ITSN1: variants seen among roughly 807,000 people sequenced by gnomAD.
ITSN1 encodes the protein intersectin 1.
A neutral mutation model predicts 239.8 loss-of-function variants in ITSN1; 58 were observed. The observed-to-expected ratio is 0.24, with a 90% CI of 0.20 to 0.30. The LOEUF (loss-of-function observed/expected upper bound fraction) is 0.30, where lower values mean the gene tolerates loss of function less well. Ranked by LOEUF, ITSN1 falls within the 10% of genes least tolerant of loss-of-function variation. The pLI, the probability that ITSN1 is intolerant of heterozygous loss-of-function variation, is 1.00. For missense variants in ITSN1, 1,558 were observed against 2,103.3 expected (o/e 0.74, Z 5.07); for synonymous variants, 780 against 770.8 (o/e 1.01, Z -0.20).
rs750672753 is a variant in ITSN1, at chr21:33,834,422, C to A, written c.3467C>A (p.Ala1156Glu). The change falls in exon 28 of 40, where the codon GCA becomes GAA. Residue 1156 changes from alanine (A) to glutamate (E), a missense_variant and splice_region_variant. This residue lies in a region of ITSN1 where 576 missense variants were observed against 893.3 expected (regional missense o/e 0.64). Coordinates refer to ENST00000381318, the MANE Select transcript of ITSN1 (RefSeq NM_003024.3). ...CCACCTAAGTCAACAGCATTAGCGGCAGGTAAGGAGTTTCGCATCTCTAAC... is the reference window on the plus strand; with the variant it reads ...CCACCTAAGTCAACAGCATTAGCGGAAGGTAAGGAGTTTCGCATCTCTAAC... ...TEPPKSTALAAVCQVIGMYDY... is the reference protein window; with the variant it reads ...TEPPKSTALAEVCQVIGMYDY... 6.2e-7 allele frequency: 1 copy of A among 1,605,594 alleles called. No individual in the cohort carries two copies. Among genetic ancestry groups the A allele is most frequent in the Non-Finnish European group, 8.5e-7 (1 of 1,173,760 alleles).
intron 26 of ITSN1, chr21:33,828,914 A>G: frequency 2.1e-6 from 1 of 469,952 alleles, no homozygotes; most frequent in South Asian, 1.6e-5. Context: ...AACTGTTCAC[A>G]TTTTTTTCCC....
intron 37 of ITSN1, 66 bp from the exon 38 acceptor site, chr21:33,885,373 C>G (rs1241375604): frequency 7.9e-6 from 11 of 1,400,846 alleles, no homozygotes; most frequent in Non-Finnish European, 1.1e-5. Context: ...CATTGTGAGG[C>G]TCACAGAGAT....
In ITSN1 at chr21:33,810,994, G is replaced by C. The variant is rs1426099480; in HGVS notation, c.2339G>C (p.Gly780Ala). The C allele has an allele frequency of 6.2e-7, 1 of 1,614,170 alleles. No individual in the cohort carries two copies. Among genetic ancestry groups the C allele is most frequent in the Admixed American group, 1.7e-5 (1 of 60,024 alleles). Residue 780 changes from glycine (G) to alanine (A), a missense_variant, in exon 21 of 40, where the codon GGA (glycine) becomes GCA (alanine). Gly to Ala is a moderately conservative substitution (Grantham distance 60). This residue lies in a region of ITSN1 where 982 missense variants were observed against 1,209.9 expected (regional missense o/e 0.81). Transcript: ENST00000381318. Reference sequence around the variant, plus strand: ...CCACAGGTGGATGAAAGCCAAACTGGAGAACCCGGCTGGCTTGGAGGAGAA... The same window carrying C: ...CCACAGGTGGATGAAAGCCAAACTGCAGAACCCGGCTGGCTTGGAGGAGAA... ...KGEWVDESQT[G>A]EPGWLGGELK...
chr21:33,711,659 TG>T (rs2092421696), intron 1 of ITSN1, among the ~76,000 whole-genome samples: 1 of 124,246 alleles, frequency 8.0e-6, no homozygotes, highest in Non-Finnish European at 1.6e-5. Flanking sequence ...GTGTTGTGTG[TG>T]TGTGTGTGTG....
chr21:33,697,590 T>C (rs1373931597), intron 1 of ITSN1, among the ~76,000 whole-genome samples: 1 of 152,158 alleles, frequency 6.6e-6, no homozygotes, highest in Non-Finnish European at 1.5e-5. Flanking sequence ...ACTTATACAA[T>C]CTCATTATTA....
At chr21:33,795,510 C>T (rs2148024819) in intron 17 of ITSN1, among the ~76,000 whole-genome samples, 1 of 152,240 alleles carries the variant, frequency 6.6e-6, no homozygotes, top group East Asian at 1.9e-4. Context: ...CTTTAGTGGG[C>T]TGAGTTCAGT....
rs190926754 is a variant in ITSN1, at chr21:33,651,236, G to A, written c.-33+8523G>A. On this transcript the variant is annotated intron_variant, in intron 1 of 39. Transcript: ENST00000381318. ...AAGGAGAGAGGCCCACTTGGGACTT[G>A]ACTCTGAATGTCTGGGAAGTAGGAA... Among the ~76,000 whole-genome samples the A allele has an allele frequency of 1.9e-4, 29 of 152,374 alleles. No individual in the cohort carries two copies. The East Asian group carries it at 5.6e-3, about 29-fold the overall frequency.
At chr21:33,743,703 C>T (rs902547746) in intron 5 of ITSN1, among the ~76,000 whole-genome samples, 6 of 152,128 alleles carry the variant, frequency 3.9e-5, no homozygotes, top group Non-Finnish European at 8.8e-5. Context: ...AAAAGTCCAA[C>T]ACTAAGATAT....
Position 33,837,640 on chromosome 21 carries a change from T to C in ITSN1, c.3661+1008T>C, listed in dbSNP as rs1177219807. 10 of 985,826 alleles carry C rather than the reference T, an allele frequency of 1.0e-5. No homozygotes were observed. In the African/African-American group the frequency reaches 1.7e-4, roughly 17 times the overall value. The allele number at this position is 985,826 out of a possible 1,614,324, so 61.1% of individuals were successfully genotyped here. ...TTGTTTGTGTGTATCAGCTGTACCT[T>C]GTTGAGCATGTAATACATCCTGTAC... is the stretch of plus-strand genomic sequence containing the variant. On this transcript the variant is annotated intron_variant, in intron 29 of 39. Coordinates refer to ENST00000381318, the MANE Select transcript of ITSN1 (RefSeq NM_003024.3).
At chr21:33,649,152 C>G (rs560809441) in intron 1 of ITSN1, among the ~76,000 whole-genome samples, 2 of 152,102 alleles carry the variant, frequency 1.3e-5, no homozygotes, top group Non-Finnish European at 2.9e-5. Flanking sequence ...CAGGTAGTTC[C>G]ATGTTGGCGA....
intron 1 of ITSN1, among the ~76,000 whole-genome samples, chr21:33,656,719 A>G (rs886760847): frequency 1.3e-5 from 2 of 151,330 alleles, no homozygotes; most frequent in African/African-American, 2.4e-5. Context: ...TTATTTGTTT[A>G]TTTATTTATT....
intron 12 of ITSN1, 103 bp downstream of exon 12, chr21:33,772,426 A>G (rs2069238902): frequency 3.0e-6 from 4 of 1,354,798 alleles, no homozygotes; most frequent in South Asian, 1.4e-5. Flanking sequence ...TTTACAATTC[A>G]GTAGTTTTAG....
intron 14 of ITSN1, among the ~76,000 whole-genome samples, chr21:33,776,756 A>G (rs1454545892): frequency 6.6e-6 from 1 of 150,594 alleles, no homozygotes; most frequent in Non-Finnish European, 1.5e-5. Flanking sequence ...CCCATTTTTT[A>G]TTGGGCTGTT....
intron 8 of ITSN1, among the ~76,000 whole-genome samples, chr21:33,759,709 C>A (rs1293062510): frequency 1.3e-5 from 2 of 152,162 alleles, no homozygotes; most frequent in Non-Finnish European, 1.5e-5. Context: ...TGTATGCACA[C>A]ACATCCAGCA....
Position 33,878,417 on chromosome 21 carries a change from T to C in ITSN1, c.4341+2896T>C, listed in dbSNP as rs534696961. Among the ~76,000 whole-genome samples, 3 of 152,324 alleles carry C rather than the reference T, an allele frequency of 2.0e-5. No homozygotes were observed. The South Asian group carries it at 6.2e-4, about 32-fold the overall frequency. On this transcript the variant is annotated intron_variant, in intron 34 of 39. Coordinates refer to ENST00000381318, the MANE Select transcript of ITSN1 (RefSeq NM_003024.3). ...ATTCATTCTTTTTGCCCATTTTTTC[T>C]CTCTGTTTCTGTATACACATGTGCT...
rs1015771210 is a variant in ITSN1, at chr21:33,889,749, G to A, written c.*1449G>A. On this transcript the variant is annotated 3_prime_UTR_variant, in exon 40 of 40. Coordinates refer to ENST00000381318, the MANE Select transcript of ITSN1 (RefSeq NM_003024.3). ...TGTAGGTCCTTAGACTTTAATTAGG[G>A]TTATCAAAGTGCTTTCTAAATGATA... The A allele has an allele frequency of 5.3e-5, 8 of 152,118 alleles. No homozygotes were observed. Among genetic ancestry groups the A allele is most frequent in the African/African-American group, 1.9e-4 (8 of 41,408 alleles). The allele number at this position is 152,118 out of a possible 1,614,324, so 9.4% of individuals were successfully genotyped here.
At chr21:33,699,306 T>A (rs1281969483) in intron 1 of ITSN1, among the ~76,000 whole-genome samples, 1 of 152,186 alleles carries the variant, frequency 6.6e-6, no homozygotes, top group African/African-American at 2.4e-5. Context: ...AACAAATTTT[T>A]AAAAATATTT....
chr21:33,802,565 T>C, intron 20 of ITSN1, 121 bp downstream of exon 20: 8 of 1,018,696 alleles, frequency 7.9e-6, no homozygotes, highest in Non-Finnish European at 1.2e-5. Flanking sequence ...AAAAATGTGT[T>C]TGAGTCTGTG....
intron 33 of ITSN1, among the ~76,000 whole-genome samples, chr21:33,874,051 A>AG (rs1983221523): frequency 7.0e-6 from 1 of 143,260 alleles, no homozygotes; most frequent in Admixed American, 7.2e-5. Context: ...GCTACTCGGG[A>AG]GGCTGAGGCA....
Sources: gnomAD v4.1 joint callset for allele counts (sites outside exome capture counted in the v4.1 genomes callset) on GRCh38, gnomAD v4.1.1 for gene constraint, gnomAD v4.1.1 regional missense constraint, MANE v1.5 for transcripts, NCBI Gene and HGNC (gene_info 2026-07-23, HGNC 2026-07-21) for gene names.